FAM53A: variants seen among roughly 807,000 people sequenced by gnomAD.
FAM53A encodes protein FAM53A.
FAM53A carries 28 observed loss-of-function variants against 26.6 expected under a neutral mutation model. That is an observed-to-expected ratio of 1.05 (90% CI 0.78 to 1.45). The LOEUF (loss-of-function observed/expected upper bound fraction) is 1.45, where lower values mean the gene tolerates loss of function less well. FAM53A is among the 40% of genes most tolerant of loss of function. The probability of loss-of-function intolerance (pLI) is 0.00; values close to 1 mark genes in which losing one functional copy is unlikely to be tolerated. For missense variants in FAM53A, 650 were observed against 575.8 expected (o/e 1.13, Z -1.32); for synonymous variants, 290 against 253.1 (o/e 1.15, Z -1.38).
chr4:1,590,863 G>A, the FAM53A span, among the ~76,000 whole-genome samples: 43 of 148,488 alleles, frequency 2.9e-4, no homozygotes, highest in South Asian at 6.4e-4. Flanking sequence ...GGAATTTGTC[G>A]AAAATTCTAA....
chr4:1,619,674 G>A (rs529034066), intron 1 of FAM53A, among the ~76,000 whole-genome samples: 29 of 151,700 alleles, frequency 1.9e-4, no homozygotes, highest in Admixed American at 1.4e-3. Context: ...ACCGGGCACC[G>A]GCCTTGCGCT....
downstream of FAM53A, among the ~76,000 whole-genome samples, chr4:1,635,344 G>A (rs1715792544): frequency 6.6e-6 from 1 of 152,082 alleles, no homozygotes; most frequent in South Asian, 2.1e-4. Context: ...TGTGATCTTG[G>A]CTCACTGCAG....
At chr4:1,610,645 C>T in the FAM53A span, among the ~76,000 whole-genome samples, 5 of 150,040 alleles carry the variant, frequency 3.3e-5, no homozygotes, top group Non-Finnish European at 5.9e-5. Flanking sequence ...AGGGATTCCG[C>T]GACGTGGGGG....
At chr4:1,582,177 T>C in the FAM53A span, among the ~76,000 whole-genome samples, 5 of 152,240 alleles carry the variant, frequency 3.3e-5, no homozygotes, top group Non-Finnish European at 7.3e-5. Flanking sequence ...GAGACGCCAT[T>C]CTCATGTCAC....
At chr4:1,645,637 T>C (rs950833999) in intron 4 of FAM53A, among the ~76,000 whole-genome samples, 13 of 152,194 alleles carry the variant, frequency 8.5e-5, no homozygotes, top group Non-Finnish European at 1.3e-4. Context: ...CCAAGGGGGA[T>C]GGGACAGCCA....
At chr4:1,595,743 G>T in the FAM53A span, among the ~76,000 whole-genome samples, 1 of 152,234 alleles carries the variant, frequency 6.6e-6, no homozygotes, top group African/African-American at 2.4e-5. Context: ...GGGCAGAGAG[G>T]AAGCAGCAGA....
downstream of FAM53A, among the ~76,000 whole-genome samples, chr4:1,635,440 A>AT (rs912798184): frequency 2.0e-5 from 3 of 151,928 alleles, no homozygotes; most frequent in East Asian, 1.9e-4. Context: ...CACCCAACTA[A>AT]TTTTTTTATT....
At chr4:1,605,767 G>T in the FAM53A span, among the ~76,000 whole-genome samples, 2 of 151,584 alleles carry the variant, frequency 1.3e-5, no homozygotes, top group African/African-American at 4.9e-5. The surrounding 1 kb of genome is among the most constrained non-coding windows in gnomAD (Gnocchi z 5.7). Context: ...CTGAAACCCT[G>T]GGGCGGGCAC....
downstream of FAM53A, among the ~76,000 whole-genome samples, chr4:1,636,106 C>T (rs1418233728): frequency 2.0e-5 from 3 of 152,150 alleles, no homozygotes; most frequent in African/African-American, 7.2e-5. Flanking sequence ...CTCAGCCTCC[C>T]AAAGTGCTGG....
upstream of FAM53A, among the ~76,000 whole-genome samples, chr4:1,684,925 A>T (rs998431121): frequency 3.9e-5 from 6 of 152,164 alleles, no homozygotes; most frequent in African/African-American, 1.4e-4. Context: ...CAGCAGGCCC[A>T]GGGAGACCGG....
chr4:1,591,403 AGC>A, the FAM53A span, among the ~76,000 whole-genome samples: 1 of 152,166 alleles, frequency 6.6e-6, no homozygotes, highest in Non-Finnish European at 1.5e-5. Flanking sequence ...TAAAGAAGCC[AGC>A]CACCCCTGTA....
intron 1 of FAM53A, among the ~76,000 whole-genome samples, chr4:1,677,921 G>T (rs528133202): frequency 6.6e-6 from 1 of 152,252 alleles, no homozygotes; most frequent in African/African-American, 2.4e-5. Flanking sequence ...CCCCAGCCTG[G>T]GTGACAGAGT....
downstream of FAM53A, among the ~76,000 whole-genome samples, chr4:1,637,690 G>A (rs1715908941): frequency 1.3e-5 from 2 of 152,096 alleles, no homozygotes; most frequent in Admixed American, 6.5e-5. Flanking sequence ...GGGGGCTAGG[G>A]GCAGGGAGGG....
Position 1,648,347 on chromosome 4 carries a change from G to A in FAM53A, c.882+6631C>T, listed in dbSNP as rs545402098. Among the ~76,000 whole-genome samples, 4 of 152,324 alleles carry A rather than the reference G, an allele frequency of 2.6e-5. No homozygotes were observed. In the East Asian group the frequency reaches 7.7e-4, roughly 29 times the overall value. On this transcript the variant is annotated intron_variant, in intron 4 of 4. Transcript: ENST00000308132. ...TGGGTGAAGACTGGTTGGCTGACAGGGAGAGGGGCACACAGACGGCAGATG... is the reference window on the plus strand; with the variant it reads ...TGGGTGAAGACTGGTTGGCTGACAGAGAGAGGGGCACACAGACGGCAGATG...
intron 2 of FAM53A, among the ~76,000 whole-genome samples, chr4:1,658,594 G>C (rs567999619): frequency 4.8e-4 from 73 of 152,386 alleles, no homozygotes; most frequent in African/African-American, 1.7e-3. Context: ...AAGCAGGAAA[G>C]CCACAGGGCG....
At chr4:1,623,655 G>A (rs1207763817) in intron 1 of FAM53A, among the ~76,000 whole-genome samples, 1 of 152,238 alleles carries the variant, frequency 6.6e-6, no homozygotes, top group African/African-American at 2.4e-5. Flanking sequence ...CACGGCGGCA[G>A]CTCATCTGAA....
At chr4:1,588,900 G>A in the FAM53A span, among the ~76,000 whole-genome samples, 2 of 152,208 alleles carry the variant, frequency 1.3e-5, no homozygotes, top group Non-Finnish European at 2.9e-5. Context: ...TGCAGATTCT[G>A]TTGGGCTTTG....
chr4:1,633,214 C>T (rs1047896735), intron 1 of FAM53A, among the ~76,000 whole-genome samples: 5 of 152,204 alleles, frequency 3.3e-5, no homozygotes, highest in Non-Finnish European at 5.9e-5. Context: ...GCATTCCAAA[C>T]GGTGAAACAC....
At chr4:1,609,382 T>C in the FAM53A span, among the ~76,000 whole-genome samples, 110,861 of 151,894 alleles carry the variant, frequency 0.73, 41,531 homozygotes, top group African/African-American at 0.91. Context: ...GCCTCTGATA[T>C]GGTTTGGCTG....
Sources: gnomAD v4.1 joint callset for allele counts (sites outside exome capture counted in the v4.1 genomes callset) on GRCh38, gnomAD v4.1.1 for gene constraint, Gnocchi (gnomAD v3.1) non-coding constraint, MANE v1.5 for transcripts, NCBI Gene and HGNC (gene_info 2026-07-23, HGNC 2026-07-21) for gene names.